Variants in ASMTL observed in about 807,000 individuals in gnomAD.
The protein encoded by ASMTL is probable bifunctional dTTP/UTP pyrophosphatase/methyltransferase protein.
A neutral mutation model predicts 60.3 loss-of-function variants in ASMTL; 57 were observed. That is an observed-to-expected ratio of 0.95 (90% CI 0.76 to 1.18). ASMTL has a LOEUF of 1.18. Ranked by LOEUF, ASMTL falls within the 50% of genes most tolerant of loss-of-function variation. ASMTL has a pLI of 0.00. For synonymous variants in ASMTL, 419 were observed against 373.0 expected, an observed-to-expected ratio of 1.12 and a Z score of -1.42; for missense variants, 981 against 852.6, an observed-to-expected ratio of 1.15 and a Z score of -1.88.
rs779352888 is a variant in ASMTL at position 1,427,892 on chromosome X, C to T, written c.739G>A (p.Glu247Lys). 1.9e-6 allele frequency: 3 copies of T among 1,613,254 alleles called. No individual in the cohort carries two copies. In the East Asian group the frequency reaches 6.7e-5, roughly 36 times the overall value. The change falls in exon 7 of 13, where the codon GAG (glutamate) becomes AAG (lysine). Residue 247 changes from glutamate (E) to lysine (K), a missense_variant. Coordinates refer to ENST00000381317, the MANE Select transcript of ASMTL (RefSeq NM_004192.4). ...CTGCCCGCGTCCCTCTGAGTGGGCT[C>T]CGAGCCGCCCCCCTCCACGTCACTG... is the stretch of plus-strand genomic sequence containing the variant. Reference protein sequence around the residue: ...DLSDVEGGGSEPTQRDAGSRD... With the variant: ...DLSDVEGGGSKPTQRDAGSRD...
rs181655118 is a variant in ASMTL, at chrX:1,422,461, C to T, written c.1061-619G>A. On this transcript the variant is annotated intron_variant, in intron 8 of 12. Coordinates refer to ENST00000381317, the MANE Select transcript of ASMTL (RefSeq NM_004192.4). The stretch of plus-strand genomic sequence containing the variant: ...TCAAGATAAATCTCCTAGGTTATAT[C>T]CTAGGGGTTCTGTTACCCTGGAGAG... Among the ~76,000 whole-genome samples the T allele has an allele frequency of 1.4e-3, 219 of 152,198 alleles. 1 individual carries two copies. Among genetic ancestry groups the T allele is most frequent in the African/African-American group, 5.1e-3 (211 of 41,516 alleles).
chrX:1,441,945 T>C, intron 2 of ASMTL: 1 of 524,786 alleles, frequency 1.9e-6, no homozygotes, highest in East Asian at 3.1e-5. Flanking sequence ...TGATACTGTA[T>C]CAATTGCAAG....
intron 7 of ASMTL, among the ~76,000 whole-genome samples, chrX:1,426,528 C>CCCT: frequency 6.6e-6 from 1 of 152,162 alleles, no homozygotes; most frequent in African/African-American, 2.4e-5. Context: ...AGGCTGCCAC[C>CCCT]GTGAGGGGCC....
Position 1,452,900 on chromosome X carries a change from A to AGC in ASMTL, c.-62_-61dup. On this transcript the variant is annotated 5_prime_UTR_variant, in exon 1 of 13. Transcript: ENST00000381317. ...TGAGCCCGGAGCCCGCGGTGCGCGC[A>AGC]GCGCGGCTGCAAAAAAAACAGGCGG... 1 of 1,332,112 alleles carries AGC rather than the reference A, an allele frequency of 7.5e-7. No homozygotes were observed. Among genetic ancestry groups the AGC allele is most frequent in the Non-Finnish European group, 1.0e-6 (1 of 1,000,462 alleles). The allele number at this position is 1,332,112 out of a possible 1,614,324, so 82.5% of individuals were successfully genotyped here.
At chrX:1,453,019 C>G, upstream of ASMTL, 3 of 554,750 alleles carry the variant, frequency 5.4e-6, no homozygotes, top group South Asian at 6.7e-5. Flanking sequence ...GAGACCGCGC[C>G]CAGGCCACGC....
chrX:1,415,945 GAC>G (rs1266399425), intron 11 of ASMTL, among the ~76,000 whole-genome samples: 1 of 151,844 alleles, frequency 6.6e-6, no homozygotes, highest in Non-Finnish European at 1.5e-5. Context: ...TGCACACACG[GAC>G]ACATGCAGGA....
chrX:1,435,392 T>C (rs1228251923), intron 4 of ASMTL: 2 of 604,888 alleles, frequency 3.3e-6, no homozygotes, highest in Non-Finnish European at 5.9e-6. Flanking sequence ...CGTCCCAGGC[T>C]ACGGGCTCAG....
chrX:1,407,283 G>A (rs1376174263), intron 12 of ASMTL, among the ~76,000 whole-genome samples: 4 of 151,798 alleles, frequency 2.6e-5, no homozygotes, highest in Admixed American at 2.0e-4. Context: ...TGAGATGGAT[G>A]GATGGCTGAA....
chrX:1,403,710 A>G (rs1185507604), intron 12 of ASMTL: 1 of 600,788 alleles, frequency 1.7e-6, no homozygotes. Flanking sequence ...AGATGGATGG[A>G]TAGATGGATG....
intron 11 of ASMTL, chrX:1,414,118 AGG>A (rs1252345031): frequency 9.3e-5 from 14 of 150,704 alleles, no homozygotes; most frequent in Middle Eastern, 3.4e-3. Context: ...AGACACACAG[AGG>A]AGAAGGCCAC....
chrX:1,441,475 C>T (rs1276844658), intron 2 of ASMTL: 5 of 152,160 alleles, frequency 3.3e-5, no homozygotes, highest in African/African-American at 1.2e-4. Flanking sequence ...CGGGGTTTCA[C>T]CCTGTTGGTC....
At chrX:1,433,303 G>C (rs1487823017) in intron 5 of ASMTL, among the ~76,000 whole-genome samples, 2 of 151,852 alleles carry the variant, frequency 1.3e-5, no homozygotes, top group Non-Finnish European at 2.9e-5. Context: ...CATGGGAACA[G>C]GGGGAGGGGG....
intron 1 of ASMTL, 146 bp from the exon 2 acceptor site, chrX:1,442,463 C>T: frequency 1.1e-6 from 1 of 942,118 alleles, no homozygotes; most frequent in Non-Finnish European, 1.6e-6. Flanking sequence ...CCAAGCTTTC[C>T]CTAAGTGTGG....
intron 9 of ASMTL, among the ~76,000 whole-genome samples, chrX:1,421,340 C>T (rs1338308083): frequency 6.6e-6 from 1 of 151,996 alleles, no homozygotes; most frequent in Non-Finnish European, 1.5e-5. Context: ...GGGCTCAAAT[C>T]ATCCTCCCAA....
intron 1 of ASMTL, among the ~76,000 whole-genome samples, chrX:1,446,690 G>A (rs771687628): frequency 1.3e-5 from 2 of 152,028 alleles, no homozygotes; most frequent in South Asian, 4.2e-4. Flanking sequence ...TAGTAGAGAC[G>A]GGGTTTCACC....
At chrX:1,428,266 TAC>T in intron 6 of ASMTL, 145 bp from the exon 7 acceptor site, 1 of 985,322 alleles carries the variant, frequency 1.0e-6, no homozygotes, top group Non-Finnish European at 1.4e-6. Flanking sequence ...ACCCTGTCTC[TAC>T]TAAAAAAAAT....
At chrX:1,412,979 A>T in intron 11 of ASMTL, 125 bp from the exon 12 acceptor site, 2 of 1,068,434 alleles carry the variant, frequency 1.9e-6, no homozygotes, top group South Asian at 1.3e-5. Context: ...GTGGGCGGGA[A>T]TGGGTCTTCC....
chrX:1,439,081 C>A lies in ASMTL; in HGVS notation c.273+16G>T, dbSNP rs1382247979. 6 of 1,613,710 alleles carry A rather than the reference C, an allele frequency of 3.7e-6. No homozygotes were observed. Among genetic ancestry groups the A allele is most frequent in the Admixed American group, 1.7e-5 (1 of 59,992 alleles). On this transcript the variant is annotated intron_variant, in intron 3 of 12. Transcript: ENST00000381317. ...CACATCGGACATTAGAAACGAGGCA[C>A]CCTGGCCGCACTCACCACGATCGTG...
At chrX:1,405,160 T>A (rs759289549) in intron 12 of ASMTL, among the ~76,000 whole-genome samples, 1 of 124,692 alleles carries the variant, frequency 8.0e-6, no homozygotes, top group East Asian at 2.3e-4. Context: ...GGTGCATGGA[T>A]GAGATGGATG....
Sources: allele counts gnomAD v4.1 joint callset (sites outside exome capture counted in the v4.1 genomes callset), GRCh38; gene constraint gnomAD v4.1.1; transcripts MANE v1.5; gene names NCBI Gene and HGNC (gene_info 2026-07-23, HGNC 2026-07-21).